Variants in CDCA5 observed in about 807,000 individuals in gnomAD.
The protein encoded by CDCA5 is sororin.
CDCA5 carries 14 observed loss-of-function variants against 25.7 expected under a neutral mutation model. The ratio of observed to expected loss-of-function variants is 0.54; its 90% CI spans 0.36 to 0.85. The LOEUF is 0.85. Ranked by LOEUF, CDCA5 falls within the 40% of genes least tolerant of loss-of-function variation. The pLI is 0.01. For synonymous variants in CDCA5, 127 were observed against 128.7 expected (o/e 0.99, Z 0.09); for missense variants, 307 against 324.5 (o/e 0.95, Z 0.41).
chr11:65,076,299 T>TAG (rs34304131), downstream of CDCA5, among the ~76,000 whole-genome samples: 136,087 of 151,870 alleles, frequency 0.9, 61,333 homozygotes, highest in Middle Eastern at 0.97. Flanking sequence ...ACATTTTTTG[T>TAG]AGTCAGGATC....
At chr11:65,077,146 G>A (rs1947461897), downstream of CDCA5, among the ~76,000 whole-genome samples, 1 of 152,168 alleles carries the variant, frequency 6.6e-6, no homozygotes, top group African/African-American at 2.4e-5. Flanking sequence ...AATTAGCCAG[G>A]CGTGGTGGTG....
At chr11:65,075,014 A>T (rs532871055), downstream of CDCA5, among the ~76,000 whole-genome samples, 1 of 146,290 alleles carries the variant, frequency 6.8e-6, no homozygotes, top group Non-Finnish European at 1.5e-5. Flanking sequence ...GTGAGCCGAG[A>T]TCGTGCCATT....
Position 65,083,413 on chromosome 11 carries a change from T to C in CDCA5, c.208-14A>G. On this transcript the variant is annotated splice_polypyrimidine_tract_variant and intron_variant, in intron 3 of 5. Coordinates refer to ENST00000275517, the MANE Select transcript of CDCA5 (RefSeq NM_080668.4). ...GACAGCTGGGACCTGCGGGGGACAA[T>C]ACCAATTGATCACATAGCTGGTCCC... 1.2e-6 allele frequency: 2 copies of C among 1,614,146 alleles called. No homozygotes were observed. Among genetic ancestry groups the C allele is most frequent in the Non-Finnish European group, 1.7e-6 (2 of 1,180,016 alleles).
chr11:65,064,685 C>T (rs911179020), downstream of CDCA5, among the ~76,000 whole-genome samples: 3 of 151,854 alleles, frequency 2.0e-5, no homozygotes, highest in African/African-American at 7.3e-5. Context: ...CTACAGCCAT[C>T]GGGTGAGGAG....
At chr11:65,068,402 G>A (rs1947281318) in intron 2 of CDCA5, 6 of 822,420 alleles carry the variant, frequency 7.3e-6, no homozygotes, top group Admixed American at 2.6e-5. Context: ...GGGGGTTCAG[G>A]CCTCCATTCA....
intron 4 of CDCA5, among the ~76,000 whole-genome samples, chr11:65,080,438 G>C (rs537822783): frequency 4.4e-4 from 67 of 152,048 alleles, no homozygotes; most frequent in Admixed American, 2.3e-3. Flanking sequence ...CCAGATAAAC[G>C]GTCTCAACTC....
rs745908491 is a variant in CDCA5, at chr11:65,077,941, G to C, written c.*1166C>G. Reference sequence around the variant, plus strand: ...TGGCCAGGGGTGCGGCAGGAGAGTCGGGGGCAGGGCAGCCTTCAAATCCAC... The same window carrying C: ...TGGCCAGGGGTGCGGCAGGAGAGTCCGGGGCAGGGCAGCCTTCAAATCCAC... On this transcript the variant is annotated 3_prime_UTR_variant, in exon 6 of 6. Transcript: ENST00000275517. 2.0e-6 allele frequency: 2 copies of C among 985,470 alleles called. No homozygotes were observed. The highest frequency in any genetic ancestry group is 2.4e-6 in the Non-Finnish European group (2 of 830,038). The allele number at this position is 985,470 out of a possible 1,614,324, so 61.0% of individuals were successfully genotyped here.
intron 2 of CDCA5, chr11:65,068,361 G>A (rs1378540242): frequency 1.5e-5 from 8 of 533,478 alleles, no homozygotes; most frequent in South Asian, 9.0e-5. Context: ...GGGCCTGGAC[G>A]CCCTGACAGC....
At chr11:65,072,766 A>G (rs1019291219), downstream of CDCA5, among the ~76,000 whole-genome samples, 3 of 152,028 alleles carry the variant, frequency 2.0e-5, no homozygotes, top group Non-Finnish European at 2.9e-5. Context: ...GAGTTTACAC[A>G]GCTACTGTGT....
intron 4 of CDCA5, 128 bp downstream of exon 4, chr11:65,083,236 C>A (rs1590802105): frequency 9.7e-7 from 1 of 1,030,918 alleles, no homozygotes; most frequent in East Asian, 2.4e-5. Flanking sequence ...CATGCAGGTG[C>A]CCACAGGCAA....
At chr11:65,074,520 T>C (rs1278651222), downstream of CDCA5, among the ~76,000 whole-genome samples, 3 of 152,152 alleles carry the variant, frequency 2.0e-5, no homozygotes, top group Non-Finnish European at 4.4e-5. Flanking sequence ...TACAAATCTA[T>C]TCCAATGCCT....
chr11:65,083,262 C>A, intron 4 of CDCA5, 102 bp downstream of exon 4: 1 of 1,410,138 alleles, frequency 7.1e-7, no homozygotes, highest in Non-Finnish European at 1.0e-6. Flanking sequence ...TTTTGCAGTA[C>A]TGCAAAACAG....
chr11:65,071,334 G>A, intron 1 of CDCA5, among the ~76,000 whole-genome samples: 1 of 149,842 alleles, frequency 6.7e-6, no homozygotes, highest in East Asian at 2.0e-4. Context: ...CTCTGATTTG[G>A]GAAACAGTTA....
chr11:65,063,896 T>A (rs1386986255), downstream of CDCA5, among the ~76,000 whole-genome samples: 1 of 152,194 alleles, frequency 6.6e-6, no homozygotes, highest in Non-Finnish European at 1.5e-5. Context: ...GGGCTGGGAC[T>A]GCTTGGATGC....
downstream of CDCA5, among the ~76,000 whole-genome samples, chr11:65,064,989 A>T (rs1947219132): frequency 6.6e-6 from 1 of 152,184 alleles, no homozygotes; most frequent in African/African-American, 2.4e-5. Flanking sequence ...CCTGATCCCT[A>T]GGAGTCTGGT....
At chr11:65,080,852 A>G (rs1001052675) in intron 4 of CDCA5, among the ~76,000 whole-genome samples, 9 of 152,240 alleles carry the variant, frequency 5.9e-5, no homozygotes, top group Non-Finnish European at 1.2e-4. Flanking sequence ...ATTCAGTATT[A>G]TGTTAGCAGT....
At chr11:65,066,793 G>A in intron 5 of CDCA5, 2 of 1,289,304 alleles carry the variant, frequency 1.6e-6, no homozygotes, top group Non-Finnish European at 2.0e-6. Flanking sequence ...AAGAAATGGG[G>A]TCCTGGCTCA....
At position 65,083,737 on chromosome 11, in the gene CDCA5, A is replaced by C. The variant is rs948151627; in HGVS notation, c.47-14T>G. The C allele has an allele frequency of 1.2e-6, 2 of 1,607,308 alleles. No homozygotes were observed. The highest frequency in any genetic ancestry group is 1.7e-6 in the Non-Finnish European group (2 of 1,177,318). On this transcript the variant is annotated splice_polypyrimidine_tract_variant and intron_variant, in intron 1 of 5. Transcript: ENST00000275517. ...GGGCCCTTGGCCCTGGAAAGAGAAAAAAGTTAAGTGGTAGAGGAGGACTCT... is the reference window on the plus strand; with the variant it reads ...GGGCCCTTGGCCCTGGAAAGAGAAACAAGTTAAGTGGTAGAGGAGGACTCT...
At chr11:65,074,141 C>T (rs1947393473), downstream of CDCA5, among the ~76,000 whole-genome samples, 1 of 152,180 alleles carries the variant, frequency 6.6e-6, no homozygotes, top group African/African-American at 2.4e-5. Context: ...GGCACAATAT[C>T]GGCTCACTGC....
Sources: allele counts gnomAD v4.1 joint callset (sites outside exome capture counted in the v4.1 genomes callset), GRCh38; gene constraint gnomAD v4.1.1; transcripts MANE v1.5; gene names NCBI Gene and HGNC (gene_info 2026-07-23, HGNC 2026-07-21).